The following PKIB variants were observed in gnomAD, a reference collection of about 807,000 sequenced individuals.
PKIB encodes the protein PKI-beta.
PKIB carries 2 observed loss-of-function variants against 4.5 expected under a neutral mutation model. That is an observed-to-expected ratio of 0.44 (90% CI 0.18 to 1.39). The LOEUF (loss-of-function observed/expected upper bound fraction) is 1.39. Ranked by LOEUF, PKIB falls within the 40% of genes most tolerant of loss-of-function variation. The pLI is 0.27. For missense variants in PKIB, 94 were observed against 92.6 expected (o/e 1.02, Z -0.06); for synonymous variants, 38 against 36.0 (o/e 1.06, Z -0.20).
chr6:122,589,198 AG>A (rs1297604252), intron 3 of PKIB, among the ~76,000 whole-genome samples: 1 of 152,176 alleles, frequency 6.6e-6, no homozygotes, highest in African/African-American at 2.4e-5. Flanking sequence ...AGTTGTGGAG[AG>A]AACTTAAATG....
In PKIB at chr6:122,661,822, G is replaced by A. The variant is rs533764646; in HGVS notation, c.-75-13256G>A. ...ATTTTACATTTCAGCCAGCAGTGAC[G>A]AAGCCTTCCATTTCTTTATATCCTT... On this transcript the variant is annotated intron_variant, in intron 2 of 4. Coordinates refer to ENST00000368452, the MANE Select transcript of PKIB (RefSeq NM_181795.3). 3.9e-5 allele frequency among the ~76,000 whole-genome samples: 6 copies of A among 152,230 alleles called. 1 individual carries two copies. The highest frequency in any genetic ancestry group is 5.9e-5 in the Non-Finnish European group (4 of 68,018).
At chr6:122,617,213 A>G (rs1315546728) in intron 1 of PKIB, among the ~76,000 whole-genome samples, 1 of 152,150 alleles carries the variant, frequency 6.6e-6, no homozygotes, top group African/African-American at 2.4e-5. Flanking sequence ...TCTGAAATCA[A>G]ACAGTCATTT....
At chr6:122,643,724 A>C (rs1269774274) in intron 2 of PKIB, 2 of 152,224 alleles carry the variant, frequency 1.3e-5, no homozygotes, top group Non-Finnish European at 2.9e-5. Flanking sequence ...TAAAAAATCA[A>C]ATTTCATTGG....
At chr6:122,524,501 A>G (rs971712506) in intron 2 of PKIB, among the ~76,000 whole-genome samples, 1 of 152,036 alleles carries the variant, frequency 6.6e-6, no homozygotes, top group African/African-American at 2.4e-5. Flanking sequence ...CTCATAGAAG[A>G]ATCTTGGAAG....
At chr6:122,657,675 A>G (rs1212898769) in intron 2 of PKIB, among the ~76,000 whole-genome samples, 10 of 152,148 alleles carry the variant, frequency 6.6e-5, no homozygotes, top group Non-Finnish European at 1.0e-4. Flanking sequence ...TCTTTCTTAC[A>G]TTGATATTTC....
At chr6:122,719,437 A>C (rs1779633156) in intron 4 of PKIB, among the ~76,000 whole-genome samples, 1 of 152,210 alleles carries the variant, frequency 6.6e-6, no homozygotes, top group South Asian at 2.1e-4. Context: ...AAAAGGGTGA[A>C]GGCAAGTTGT....
intron 2 of PKIB, among the ~76,000 whole-genome samples, chr6:122,634,464 C>T (rs1187681836): frequency 6.6e-6 from 1 of 152,128 alleles, no homozygotes; most frequent in Non-Finnish European, 1.5e-5. Context: ...GAGTGAGAAC[C>T]TTGCTTCTCC....
chr6:122,526,541 T>G (rs900764392), intron 2 of PKIB, among the ~76,000 whole-genome samples: 4 of 152,150 alleles, frequency 2.6e-5, no homozygotes, highest in African/African-American at 9.6e-5. Context: ...ATAAAAGCTC[T>G]TAGATGACTA....
intron 1 of PKIB, among the ~76,000 whole-genome samples, chr6:122,631,083 C>T (rs754187801): frequency 3.1e-4 from 47 of 152,138 alleles, no homozygotes; most frequent in Non-Finnish European, 5.3e-4. Flanking sequence ...TTTATTTCCT[C>T]TTTGGAAACA....
chr6:122,712,250 T>G (rs1562315416), intron 3 of PKIB, among the ~76,000 whole-genome samples: 1 of 152,184 alleles, frequency 6.6e-6, no homozygotes, highest in Non-Finnish European at 1.5e-5. Flanking sequence ...TTCCTCTTTG[T>G]AACTTGTGGG....
chr6:122,521,031 G>A (rs1776926796), intron 2 of PKIB, among the ~76,000 whole-genome samples: 2 of 152,184 alleles, frequency 1.3e-5, no homozygotes, highest in African/African-American at 4.8e-5. Flanking sequence ...TGAAGCACTG[G>A]TTGTGGGATA....
chr6:122,640,929 T>C (rs533757832), intron 2 of PKIB, among the ~76,000 whole-genome samples: 1 of 152,214 alleles, frequency 6.6e-6, no homozygotes, highest in Non-Finnish European at 1.5e-5. Flanking sequence ...ATTCATATTA[T>C]ACGAATATGA....
At chr6:122,682,303 A>T (rs1777925987) in intron 3 of PKIB, among the ~76,000 whole-genome samples, 1 of 152,160 alleles carries the variant, frequency 6.6e-6, no homozygotes, top group African/African-American at 2.4e-5. Context: ...ATACAATTGA[A>T]TGTTTGCCAA....
At chr6:122,565,443 C>A (rs1773159961) in intron 2 of PKIB, among the ~76,000 whole-genome samples, 1 of 152,166 alleles carries the variant, frequency 6.6e-6, no homozygotes, top group South Asian at 2.1e-4. Context: ...TTGTTAGATG[C>A]AGATATAAAT....
At chr6:122,646,484 CA>C (rs1435177737) in intron 2 of PKIB, among the ~76,000 whole-genome samples, 1 of 152,162 alleles carries the variant, frequency 6.6e-6, no homozygotes, top group African/African-American at 2.4e-5. Context: ...ACCCTCAAAA[CA>C]AAATCTAAGC....
intron 2 of PKIB, among the ~76,000 whole-genome samples, chr6:122,662,854 G>C (rs1412031327): frequency 2.0e-5 from 3 of 152,178 alleles, no homozygotes; most frequent in African/African-American, 7.2e-5. Context: ...GAGCTAGCAA[G>C]ACTCAGGGGT....
intron 2 of PKIB, among the ~76,000 whole-genome samples, chr6:122,641,092 T>G (rs1320244554): frequency 1.3e-5 from 2 of 152,214 alleles, no homozygotes; most frequent in Non-Finnish European, 2.9e-5. Context: ...TCTCAGAAGC[T>G]CCTATGAATT....
At chr6:122,704,969 T>G (rs1371103225) in intron 3 of PKIB, among the ~76,000 whole-genome samples, 2 of 152,146 alleles carry the variant, frequency 1.3e-5, no homozygotes, top group African/African-American at 4.8e-5. Flanking sequence ...GACAGGACAT[T>G]GCTTTTAGCT....
intron 3 of PKIB, among the ~76,000 whole-genome samples, chr6:122,713,172 T>A (rs1367646177): frequency 6.6e-6 from 1 of 152,134 alleles, no homozygotes; most frequent in Non-Finnish European, 1.5e-5. Flanking sequence ...TAGAAGTGTG[T>A]CTCAGGCAAC....
Sources: allele counts gnomAD v4.1 joint callset (sites outside exome capture counted in the v4.1 genomes callset), GRCh38; gene constraint gnomAD v4.1.1; transcripts MANE v1.5; gene names NCBI Gene and HGNC (gene_info 2026-07-23, HGNC 2026-07-21).